The following LMCD1 variants were observed in gnomAD, a reference collection of about 807,000 sequenced individuals.
LMCD1 encodes the protein LIM and cysteine-rich domains protein 1.
LMCD1 carries 32 observed loss-of-function variants against 42.7 expected under a neutral mutation model. The ratio of observed to expected loss-of-function variants is 0.75; its 90% CI spans 0.57 to 1.01. The LOEUF is 1.01. Ranked by LOEUF, LMCD1 falls within the 50% of genes least tolerant of loss-of-function variation. The pLI is 0.00. For synonymous variants in LMCD1, 178 were observed against 184.9 expected (o/e 0.96, Z 0.30); for missense variants, 458 against 483.1 (o/e 0.95, Z 0.49).
Position 8,557,444 on chromosome 3 carries a change from T to C in LMCD1, c.724-7988T>C, listed in dbSNP as rs143270725. 7.2e-5 allele frequency among the ~76,000 whole-genome samples: 11 copies of C among 152,330 alleles called. No homozygotes were observed. The East Asian group carries it at 2.1e-3, about 29-fold the overall frequency. ...AGATTTCCACGAGGCACTCTGGGTTTAGACTGGATAGGCCTTTGGATAAGA... is the reference window on the plus strand; with the variant it reads ...AGATTTCCACGAGGCACTCTGGGTTCAGACTGGATAGGCCTTTGGATAAGA... On this transcript the variant is annotated intron_variant, in intron 4 of 5. Transcript: ENST00000157600.
At position 8,516,253 on chromosome 3, in the gene LMCD1, G is replaced by A. The variant is rs144662653; in HGVS notation, c.42+14273G>A. On this transcript the variant is annotated intron_variant, in intron 1 of 5. Transcript: ENST00000157600. Reference sequence around the variant, plus strand: ...GGTTGGCCTGGATCACGGAACAACAGCAGCTGCATCTCAGGAGGCTTGGCC... The same window carrying A: ...GGTTGGCCTGGATCACGGAACAACAACAGCTGCATCTCAGGAGGCTTGGCC... Among the ~76,000 whole-genome samples the A allele has an allele frequency of 6.0e-3, 919 of 152,298 alleles. 6 individuals carry two copies. Among genetic ancestry groups the A allele is most frequent in the Non-Finnish European group, 9.7e-3 (663 of 68,034 alleles).
intron 1 of LMCD1, 55 bp downstream of exon 1, chr3:8,502,035 TC>T: frequency 6.6e-7 from 1 of 1,514,880 alleles, no homozygotes; most frequent in Non-Finnish European, 9.0e-7. Context: ...TTGTTCCCCT[TC>T]CCATCTGTTC....
chr3:8,503,212 G>A (rs890807812), intron 1 of LMCD1, among the ~76,000 whole-genome samples: 2 of 152,154 alleles, frequency 1.3e-5, no homozygotes, highest in African/African-American at 2.4e-5. Flanking sequence ...AATGAGAGGG[G>A]GAAAAACAAA....
chr3:8,550,700 T>G (rs972585645), intron 4 of LMCD1: 38 of 982,512 alleles, frequency 3.9e-5, no homozygotes, highest in Non-Finnish European at 4.3e-5. Context: ...AAATATTAGA[T>G]CTAGTTACCA....
intron 4 of LMCD1, among the ~76,000 whole-genome samples, chr3:8,554,073 C>T (rs1436904886): frequency 6.6e-6 from 1 of 152,152 alleles, no homozygotes; most frequent in Non-Finnish European, 1.5e-5. Context: ...ATACACGGCT[C>T]TCACTCTCTC....
intron 1 of LMCD1, among the ~76,000 whole-genome samples, chr3:8,507,354 T>C (rs989443336): frequency 1.4e-4 from 21 of 152,250 alleles, no homozygotes; most frequent in African/African-American, 3.9e-4. Context: ...ATCCTGTATA[T>C]TTGATGCAGA....
chr3:8,552,909 G>C (rs1481310917), intron 4 of LMCD1, among the ~76,000 whole-genome samples: 1 of 152,144 alleles, frequency 6.6e-6, no homozygotes, highest in Non-Finnish European at 1.5e-5. Flanking sequence ...ATTTTTAGTA[G>C]AGATGGGGTT....
intron 4 of LMCD1, among the ~76,000 whole-genome samples, chr3:8,552,775 G>A (rs1034819298): frequency 1.1e-4 from 17 of 152,184 alleles, no homozygotes; most frequent in African/African-American, 3.9e-4. Context: ...CCGGGCTGGA[G>A]TGCAGTGGCA....
intron 3 of LMCD1, among the ~76,000 whole-genome samples, chr3:8,545,952 C>A (rs1422708850): frequency 2.0e-5 from 3 of 152,102 alleles, no homozygotes; most frequent in Non-Finnish European, 2.9e-5. Context: ...CATGGCGAAA[C>A]CCCGTCTCTA....
At chr3:8,540,828 G>A (rs899006684) in intron 3 of LMCD1, among the ~76,000 whole-genome samples, 3 of 152,158 alleles carry the variant, frequency 2.0e-5, no homozygotes, top group Non-Finnish European at 2.9e-5. Context: ...TTTTACAGAG[G>A]AGCAGACAGA....
In LMCD1 at chr3:8,574,043, T is replaced by G. The variant is rs540040962; in HGVS notation, c.*6445T>G. On this transcript the variant is annotated 3_prime_UTR_variant, in exon 6 of 6. Coordinates refer to ENST00000157600, the MANE Select transcript of LMCD1 (RefSeq NM_014583.4). Reference sequence around the variant, plus strand: ...CTCTGCTTCTTTTCTCCATCTCTCTTCTGTCTTCCTCCACACTGGCTTTAT... The same window carrying G: ...CTCTGCTTCTTTTCTCCATCTCTCTGCTGTCTTCCTCCACACTGGCTTTAT... 6.6e-6 allele frequency: 1 copy of G among 152,318 alleles called. No individual in the cohort carries two copies. Among genetic ancestry groups the G allele is most frequent in the African/African-American group, 2.4e-5 (1 of 41,554 alleles). 9.4% of individuals were successfully genotyped at this position (152,318 alleles called of 1,614,324 possible).
chr3:8,514,392 A>T (rs1450697969), intron 1 of LMCD1, among the ~76,000 whole-genome samples: 2 of 152,152 alleles, frequency 1.3e-5, no homozygotes, highest in Non-Finnish European at 2.9e-5. Flanking sequence ...AGCAACTGGA[A>T]CTCACAGACA....
chr3:8,558,845 G>A (rs962574075), intron 4 of LMCD1, among the ~76,000 whole-genome samples: 5 of 152,068 alleles, frequency 3.3e-5, no homozygotes, highest in Admixed American at 1.3e-4. Flanking sequence ...CTATAACAGC[G>A]GTTCTCAAAG....
intron 4 of LMCD1, among the ~76,000 whole-genome samples, chr3:8,563,369 C>G (rs1399273392): frequency 6.6e-6 from 1 of 152,176 alleles, no homozygotes; most frequent in Non-Finnish European, 1.5e-5. Flanking sequence ...TACCAGACAT[C>G]CTGAACAGCA....
chr3:8,535,616 A>C (rs140609452), intron 2 of LMCD1, among the ~76,000 whole-genome samples: 4 of 152,174 alleles, frequency 2.6e-5, no homozygotes, highest in South Asian at 2.1e-4. Context: ...GCCTTTTTCT[A>C]TGTACCACAT....
chr3:8,523,291 A>G (rs950912104), intron 1 of LMCD1, among the ~76,000 whole-genome samples: 5 of 152,250 alleles, frequency 3.3e-5, no homozygotes, highest in African/African-American at 1.2e-4. Context: ...GAGGAATAGG[A>G]ATGCCCAAGG....
At chr3:8,565,981 A>C (rs925861157) in intron 5 of LMCD1, among the ~76,000 whole-genome samples, 37 of 152,258 alleles carry the variant, frequency 2.4e-4, no homozygotes, top group African/African-American at 8.2e-4. Context: ...TATTATTATC[A>C]TGTGGTTACC....
intron 4 of LMCD1, among the ~76,000 whole-genome samples, chr3:8,554,662 C>T (rs1340742432): frequency 2.6e-5 from 4 of 152,156 alleles, no homozygotes; most frequent in East Asian, 3.9e-4. Flanking sequence ...CCAAGCCCTG[C>T]GCTCCCCACC....
intron 3 of LMCD1, among the ~76,000 whole-genome samples, chr3:8,544,489 G>A (rs1051157261): frequency 9.2e-5 from 14 of 152,090 alleles, no homozygotes; most frequent in Non-Finnish European, 1.5e-4. Flanking sequence ...GTGACCAATG[G>A]GGCGTCTGCA....
Sources: gnomAD v4.1 joint callset for allele counts (sites outside exome capture counted in the v4.1 genomes callset) on GRCh38, gnomAD v4.1.1 for gene constraint, MANE v1.5 for transcripts, NCBI Gene and HGNC (gene_info 2026-07-23, HGNC 2026-07-21) for gene names.